The following RYR3 variants were observed in gnomAD, a reference collection of about 807,000 sequenced individuals.
RYR3 encodes the protein brain ryanodine receptor-calcium release channel.
Under a neutral mutation model 584.3 loss-of-function variants are expected in RYR3, and 207 were observed. That is an observed-to-expected ratio of 0.35 (90% CI 0.32 to 0.40). The LOEUF (loss-of-function observed/expected upper bound fraction) is 0.40, where lower values mean the gene tolerates loss of function less well. Among genes scored for constraint, RYR3 ranks in the 10% least tolerant of loss-of-function variants. The pLI is 1.00. For missense variants in RYR3, 5,616 were observed against 6,089.2 expected, an observed-to-expected ratio of 0.92 and a Z score of 2.59; for synonymous variants, 2,416 against 2,248.5, an observed-to-expected ratio of 1.07 and a Z score of -2.11.
intron 19 of RYR3, 149 bp downstream of exon 19, chr15:33,613,524 C>A: frequency 3.9e-6 from 3 of 772,936 alleles, no homozygotes; most frequent in Non-Finnish European, 6.0e-6. Context: ...CAAGAGCCAA[C>A]TAGAGTCATT....
At position 33,826,228 on chromosome 15, in the gene RYR3, C is replaced by T. The variant is rs771711576; in HGVS notation, c.11147-24C>T. The T allele has an allele frequency of 4.3e-6, 7 of 1,612,378 alleles. No homozygotes were observed. In the South Asian group the frequency reaches 5.5e-5, roughly 13 times the overall value. On this transcript the variant is annotated intron_variant, in intron 82 of 103. Coordinates refer to ENST00000634891, the MANE Select transcript of RYR3 (RefSeq NM_001036.6). ...GTTTACAGTTTTCTTACTTTCTATT[C>T]TTCTGTTTTTCTCTCATTACCAGTC...
intron 1 of RYR3, among the ~76,000 whole-genome samples, chr15:33,453,017 C>T (rs1378321733): frequency 6.6e-6 from 1 of 152,042 alleles, no homozygotes; most frequent in Non-Finnish European, 1.5e-5. Context: ...CAACCTTTCT[C>T]CTTCCTTTGA....
chr15:33,354,866 A>T (rs16969960), intron 1 of RYR3, among the ~76,000 whole-genome samples: 11,936 of 152,118 alleles, frequency 0.078, 550 homozygotes, highest in Middle Eastern at 0.12. Flanking sequence ...ATTCATCATG[A>T]ATTATTCCTA....
At chr15:33,467,115 A>G (rs776558441) in intron 1 of RYR3, among the ~76,000 whole-genome samples, 8 of 152,256 alleles carry the variant, frequency 5.3e-5, no homozygotes, top group Non-Finnish European at 1.0e-4. Context: ...TAACTTTATC[A>G]GTTCCCTAAG....
At chr15:33,323,793 C>A (rs28758195) in intron 1 of RYR3, among the ~76,000 whole-genome samples, 36,439 of 152,004 alleles carry the variant, frequency 0.24, 4,942 homozygotes, top group Middle Eastern at 0.36. Context: ...CTTTGACTGT[C>A]CCCTGGGCTT....
chr15:33,855,016 A>G (rs985297597), intron 98 of RYR3, 104 bp downstream of exon 98: 138 of 1,201,820 alleles, frequency 1.1e-4, no homozygotes, highest in Non-Finnish European at 1.5e-4. Context: ...ATGTCTTGGT[A>G]TATAATGTAC....
chr15:33,558,442 G>A (rs1240946158), intron 10 of RYR3, among the ~76,000 whole-genome samples: 2 of 151,362 alleles, frequency 1.3e-5, no homozygotes, highest in African/African-American at 4.9e-5. Flanking sequence ...ATTTTTTATG[G>A]CTGCATAGTA....
chr15:33,566,804 G>T lies in RYR3; in HGVS notation c.1268+5G>T, dbSNP rs1278328717. ...CTTATTCAGCCAGTTTGTCAGGTAT[G>T]TTAGCTCCTTTCCTCCTCTACCTAG... On this transcript the variant is annotated splice_donor_5th_base_variant and intron_variant, in intron 12 of 103. Coordinates refer to ENST00000634891, the MANE Select transcript of RYR3 (RefSeq NM_001036.6). The T allele has an allele frequency of 6.2e-7, 1 of 1,613,630 alleles. No homozygotes were observed. Among genetic ancestry groups the T allele is most frequent in the Non-Finnish European group, 8.5e-7 (1 of 1,179,628 alleles).
chr15:33,734,238 C>T (rs1470412746), intron 48 of RYR3, among the ~76,000 whole-genome samples: 1 of 152,174 alleles, frequency 6.6e-6, no homozygotes, highest in South Asian at 2.1e-4. Flanking sequence ...TTTATGATAA[C>T]TGGCAGACAA....
chr15:33,707,172 G>A, intron 43 of RYR3, 118 bp downstream of exon 43: 2 of 1,197,592 alleles, frequency 1.7e-6, no homozygotes, highest in Non-Finnish European at 2.3e-6. Context: ...TTGGTGGCTG[G>A]CAAGAGAAAT....
chr15:33,560,099 A>G (rs746787510), intron 10 of RYR3, among the ~76,000 whole-genome samples: 2 of 152,204 alleles, frequency 1.3e-5, no homozygotes, highest in Non-Finnish European at 2.9e-5. Flanking sequence ...TGCAGCTGGG[A>G]CCATATTCAA....
chr15:33,689,222 T>G (rs1307178455), intron 38 of RYR3, among the ~76,000 whole-genome samples: 3 of 2,406 alleles, frequency 1.2e-3, no homozygotes, highest in South Asian at 0.014. Context: ...GGGCCTGTTG[T>G]GGGGTGGGGG....
intron 38 of RYR3, among the ~76,000 whole-genome samples, chr15:33,685,391 G>C (rs1011899328): frequency 3.9e-5 from 6 of 152,138 alleles, no homozygotes; most frequent in Admixed American, 1.3e-4. Context: ...AACAAGAAGA[G>C]CTAACTATCC....
intron 2 of RYR3, among the ~76,000 whole-genome samples, chr15:33,485,280 A>G (rs1056826836): frequency 2.6e-5 from 4 of 152,164 alleles, no homozygotes; most frequent in African/African-American, 2.4e-5. Context: ...AGAGAACTTG[A>G]GCAATAAGAA....
chr15:33,860,718 AT>A (rs1257136976), intron 101 of RYR3, 59 bp downstream of exon 101: 4 of 1,274,788 alleles, frequency 3.1e-6, no homozygotes. Context: ...AAGCAAATAG[AT>A]TTTTTAAACA....
At chr15:33,678,020 A>G (rs932428515) in intron 38 of RYR3, among the ~76,000 whole-genome samples, 2 of 152,220 alleles carry the variant, frequency 1.3e-5, no homozygotes, top group Non-Finnish European at 1.5e-5. Flanking sequence ...AAGAAACCAT[A>G]AAGTGAGGCT....
chr15:33,525,012 G>A (rs1208352632), intron 3 of RYR3, among the ~76,000 whole-genome samples: 1 of 152,154 alleles, frequency 6.6e-6, no homozygotes, highest in Non-Finnish European at 1.5e-5. Flanking sequence ...ATCAAAGCAT[G>A]GATAAATATT....
rs1337786940 is a variant in RYR3 at position 33,584,506 on chromosome 15, AAACTAT to A, written c.1669+22_1669+27del. The A allele has an allele frequency of 2.5e-6, 3 of 1,193,520 alleles. No homozygotes were observed. The highest frequency in any genetic ancestry group is 3.0e-5 in the African/African-American group (2 of 65,592). 73.9% of individuals were successfully genotyped at this position (1,193,520 alleles called of 1,614,324 possible). Reference sequence around the variant, plus strand: ...TCTTCCTCAGGTGAGAATTGACAGGAAACTATAACTAGAAAAGATGAAGGGTTTTTT... The same window carrying A: ...TCTTCCTCAGGTGAGAATTGACAGGAAACTAGAAAAGATGAAGGGTTTTTT... On this transcript the variant is annotated intron_variant, in intron 15 of 103. Coordinates refer to ENST00000634891, the MANE Select transcript of RYR3 (RefSeq NM_001036.6).
chr15:33,825,812 A>G lies in RYR3; in HGVS notation c.11146+136A>G, dbSNP rs1235413280. ...CAGTGGCGCGATCTCACCTCACTGC[A>G]ACCTCTGTCTCCTGGGTTCAAGCAC... is the stretch of plus-strand genomic sequence containing the variant. On this transcript the variant is annotated intron_variant, in intron 82 of 103. Coordinates refer to ENST00000634891, the MANE Select transcript of RYR3 (RefSeq NM_001036.6). 3 of 580,182 alleles carry G rather than the reference A, an allele frequency of 5.2e-6. No individual in the cohort carries two copies. In the African/African-American group the frequency reaches 6.0e-5, roughly 12 times the overall value. 35.9% of individuals were successfully genotyped at this position (580,182 alleles called of 1,614,324 possible).
Sources: allele counts gnomAD v4.1 joint callset (sites outside exome capture counted in the v4.1 genomes callset), GRCh38; gene constraint gnomAD v4.1.1; transcripts MANE v1.5; gene names NCBI Gene and HGNC (gene_info 2026-07-23, HGNC 2026-07-21).